Variants in LAMA1 observed in about 807,000 individuals in gnomAD.
LAMA1 encodes the protein laminin subunit alpha-1.
LAMA1 carries 219 observed loss-of-function variants against 348.7 expected under a neutral mutation model. The ratio of observed to expected loss-of-function variants is 0.63; its 90% CI spans 0.56 to 0.70. LAMA1 has a LOEUF of 0.70. Among genes scored for constraint, LAMA1 ranks in the 30% least tolerant of loss-of-function variants. LAMA1 has a pLI of 0.00. For synonymous variants in LAMA1, 1,487 were observed against 1,491.0 expected (o/e 1.00, Z 0.06); for missense variants, 3,744 against 3,888.0 (o/e 0.96, Z 0.99).
In LAMA1 at chr18:6,943,316, C is replaced by T. The variant is rs1236564978; in HGVS notation, c.8931G>A (p.Trp2977Ter). 5.6e-6 allele frequency: 9 copies of T among 1,614,044 alleles called. No homozygotes were observed. The highest frequency in any genetic ancestry group is 6.8e-6 in the Non-Finnish European group (8 of 1,180,038). ...KTATVLCDGK[W>*]HTLQANKSKH... is the part of the protein sequence containing the mutation. ...TGCTTTTGTTAGCTTGAAGAGTGTGCCATTTTCCATCACAGAGCACAGTGG... is the reference window on the plus strand; with the variant it reads ...TGCTTTTGTTAGCTTGAAGAGTGTGTCATTTTCCATCACAGAGCACAGTGG... The change falls in exon 62 of 63, where the codon TGG becomes TGA. Residue 2977 changes from tryptophan to a stop codon, truncating the protein, a stop_gained. Coordinates refer to ENST00000389658, the MANE Select transcript of LAMA1 (RefSeq NM_005559.4). LOFTEE classifies it high-confidence loss of function.
chr18:7,025,310 C>G (rs994211350), intron 17 of LAMA1, among the ~76,000 whole-genome samples: 3 of 152,182 alleles, frequency 2.0e-5, no homozygotes, highest in African/African-American at 4.8e-5. Context: ...CTCCATCTGC[C>G]TAGAACGCCC....
At position 7,115,814 on chromosome 18, in the gene LAMA1, C is replaced by CAAAAAAAA. The variant is rs557585224; in HGVS notation, c.61+1838_61+1845dup. Among the ~76,000 whole-genome samples the CAAAAAAAA allele has an allele frequency of 1.8e-3, 170 of 94,806 alleles. 2 individuals carry two copies. The highest frequency in any genetic ancestry group is 6.1e-3 in the Middle Eastern group (1 of 164). 62.2% of individuals were successfully genotyped at this position (94,806 alleles called of 152,430 possible). ...TGAAACCCTGTCTCCACTAAAAATA[C>CAAAAAAAA]AAAAAAAAAAAAAAAAAAATAGCCG... On this transcript the variant is annotated intron_variant, in intron 1 of 62. Coordinates refer to ENST00000389658, the MANE Select transcript of LAMA1 (RefSeq NM_005559.4).
chr18:7,109,920 A>C (rs1225028040), intron 1 of LAMA1, among the ~76,000 whole-genome samples: 5 of 152,224 alleles, frequency 3.3e-5, no homozygotes, highest in African/African-American at 1.2e-4. Context: ...GCGGTGGCTC[A>C]CGCCTGTAAT....
intron 16 of LAMA1, among the ~76,000 whole-genome samples, chr18:7,027,348 A>G (rs1289312557): frequency 6.6e-6 from 1 of 152,222 alleles, no homozygotes; most frequent in African/African-American, 2.4e-5. Flanking sequence ...CTATAATTAG[A>G]TAGGTAGACA....
intron 7 of LAMA1, 139 bp downstream of exon 7, chr18:7,044,583 G>T (rs2058034157): frequency 5.1e-6 from 4 of 781,448 alleles, no homozygotes; most frequent in Non-Finnish European, 4.6e-6. Context: ...AAATTTTAAG[G>T]TCATCTGCAG....
At chr18:7,090,450 C>T (rs1281978202) in intron 1 of LAMA1, among the ~76,000 whole-genome samples, 2 of 152,014 alleles carry the variant, frequency 1.3e-5, no homozygotes, top group African/African-American at 2.4e-5. Context: ...GCAGGGAGCT[C>T]TTTCAGCTTG....
chr18:6,950,941 G>C lies in LAMA1; in HGVS notation c.8238C>G (p.Phe2746Leu). The change falls in exon 58 of 63, where the codon TTC becomes TTG. Residue 2746 changes from phenylalanine to leucine, a missense_variant. Phe to Leu is a conservative substitution (Grantham distance 22). Transcript: ENST00000389658. Reference sequence around the variant, plus strand: ...TGTAGTAAATCAGGCCGCTGGAGGCGAACGTGCGGATGCTTAGCTCAACCG... The same window carrying C: ...TGTAGTAAATCAGGCCGCTGGAGGCCAACGTGCGGATGCTTAGCTCAACCG... ...KLSVELSIRTFASSGLIYYMA... is the reference protein window; with the variant it reads ...KLSVELSIRTLASSGLIYYMA... 6.2e-7 allele frequency: 1 copy of C among 1,614,064 alleles called. No homozygotes were observed. Among genetic ancestry groups the C allele is most frequent in the Non-Finnish European group, 8.5e-7 (1 of 1,180,012 alleles).
chr18:6,998,840 C>T (rs1368915109), intron 32 of LAMA1, among the ~76,000 whole-genome samples: 1 of 152,190 alleles, frequency 6.6e-6, no homozygotes, highest in African/African-American at 2.4e-5. Context: ...CAAGACCAGC[C>T]TGGCCAACAT....
Position 6,996,741 on chromosome 18 carries a change from T to C in LAMA1, c.4806+1001A>G, listed in dbSNP as rs146374049. Among the ~76,000 whole-genome samples the C allele has an allele frequency of 3.5e-3, 526 of 152,150 alleles. 4 individuals carry two copies. Among genetic ancestry groups the C allele is most frequent in the African/African-American group, 0.012 (503 of 41,502 alleles). ...CTGCAGTGGGCCATGACTGCGCCAC[T>C]GCATGCCAACCTGGGTGACTGAGGG... On this transcript the variant is annotated intron_variant, in intron 33 of 62. Coordinates refer to ENST00000389658, the MANE Select transcript of LAMA1 (RefSeq NM_005559.4).
At chr18:7,039,628 G>A (rs535116782) in intron 10 of LAMA1, among the ~76,000 whole-genome samples, 1 of 152,170 alleles carries the variant, frequency 6.6e-6, no homozygotes, top group Non-Finnish European at 1.5e-5. Flanking sequence ...GCCTTTATTG[G>A]TTGAACATAG....
chr18:7,000,299 T>G (rs1275499705), intron 30 of LAMA1, among the ~76,000 whole-genome samples: 1 of 152,042 alleles, frequency 6.6e-6, no homozygotes, highest in Non-Finnish European at 1.5e-5. Flanking sequence ...AACAAGAGAG[T>G]GTCCCAAGGA....
In LAMA1 at chr18:7,052,142, T is replaced by C. The variant is rs2058064455; in HGVS notation, c.346-1206A>G. On this transcript the variant is annotated intron_variant, in intron 3 of 62. Transcript: ENST00000389658. ...GACACGAAGAAACCTCGAATGCATATTACTGGCCGGGTTCAGTGGTTCATG... is the reference window on the plus strand; with the variant it reads ...GACACGAAGAAACCTCGAATGCATACTACTGGCCGGGTTCAGTGGTTCATG... Among the ~76,000 whole-genome samples, 3 of 152,262 alleles carry C rather than the reference T, an allele frequency of 2.0e-5. No homozygotes were observed. In the South Asian group the frequency reaches 6.2e-4, roughly 32 times the overall value.
At chr18:7,016,189 T>C (rs1441258777) in intron 21 of LAMA1, among the ~76,000 whole-genome samples, 6 of 152,124 alleles carry the variant, frequency 3.9e-5, no homozygotes, top group Non-Finnish European at 8.8e-5. Flanking sequence ...TATAGAACAC[T>C]TACACTAACT....
intron 1 of LAMA1, among the ~76,000 whole-genome samples, chr18:7,102,367 C>CTG (rs1231893619): frequency 3.9e-5 from 6 of 151,928 alleles, no homozygotes; most frequent in Non-Finnish European, 8.8e-5. Context: ...AGGAGAACAG[C>CTG]TGTTCTCTCA....
chr18:7,027,099 A>G (rs1446423726), intron 16 of LAMA1, among the ~76,000 whole-genome samples: 1 of 152,192 alleles, frequency 6.6e-6, no homozygotes, highest in African/African-American at 2.4e-5. Context: ...AAAATTCAAC[A>G]TCTGATCCTA....
chr18:7,073,764 T>C (rs1190560005), intron 3 of LAMA1, among the ~76,000 whole-genome samples: 1 of 152,032 alleles, frequency 6.6e-6, no homozygotes, highest in African/African-American at 2.4e-5. Context: ...TTTACGGCAT[T>C]CCCTAGTAGT....
chr18:7,010,281 C>T lies in LAMA1; in HGVS notation c.3792G>A (p.Arg1264=), dbSNP rs781317527. Residue 1264 remains arginine, a synonymous_variant, in exon 26 of 63, where the codon CGG becomes CGA. Coordinates refer to ENST00000389658, the MANE Select transcript of LAMA1 (RefSeq NM_005559.4). ...FEPQVLIKGG[R]IRKQVIYMDA... is the part of the protein sequence containing the mutation. ...CCATGTAAATGACTTGCTTTCTGAT[C>T]CGACCACCTTTGATGAGAACTTGAG... 8 of 1,614,172 alleles carry T rather than the reference C, an allele frequency of 5.0e-6. No individual in the cohort carries two copies. In the South Asian group the frequency reaches 8.8e-5, roughly 18 times the overall value.
intron 1 of LAMA1, among the ~76,000 whole-genome samples, chr18:7,083,162 A>C (rs1442349915): frequency 2.7e-5 from 4 of 150,656 alleles, no homozygotes; most frequent in Non-Finnish European, 5.9e-5. Context: ...CAGGTTTCTT[A>C]CCTGGCTGTT....
chr18:7,085,410 CTTCTTTTTT>C (rs1022103303), intron 1 of LAMA1, among the ~76,000 whole-genome samples: 3 of 128,252 alleles, frequency 2.3e-5, no homozygotes, highest in African/African-American at 9.2e-5. Context: ...TCTTCTTCTT[CTTCTTTTTT>C]TTTTTTTTTT....
Sources: allele counts gnomAD v4.1 joint callset (sites outside exome capture counted in the v4.1 genomes callset), GRCh38; gene constraint gnomAD v4.1.1; transcripts MANE v1.5; gene names NCBI Gene and HGNC (gene_info 2026-07-23, HGNC 2026-07-21).